Variants in KIF6 observed in about 807,000 individuals in gnomAD.
KIF6 encodes the protein kinesin-like protein KIF6.
A neutral mutation model predicts 112.7 loss-of-function variants in KIF6; 106 were observed. The observed-to-expected ratio is 0.94, with a 90% confidence interval of 0.80 to 1.11. KIF6 has a LOEUF of 1.11. Among genes scored for constraint, KIF6 ranks in the 50% least tolerant of loss-of-function variants. KIF6 has a pLI of 0.00. For synonymous variants in KIF6, 339 were observed against 339.9 expected (o/e 1.00, Z 0.03); for missense variants, 929 against 964.0 (o/e 0.96, Z 0.48).
At chr6:39,510,359 T>G (rs1776700010) in intron 13 of KIF6, among the ~76,000 whole-genome samples, 1 of 152,188 alleles carries the variant, frequency 6.6e-6, no homozygotes, top group Non-Finnish European at 1.5e-5. Flanking sequence ...CCCAAAGTGC[T>G]GGGATTACAG....
intron 11 of KIF6, among the ~76,000 whole-genome samples, chr6:39,545,205 T>C (rs1265249188): frequency 6.6e-6 from 1 of 152,196 alleles, no homozygotes; most frequent in Non-Finnish European, 1.5e-5. Context: ...CAGCCCCTTG[T>C]CATGAAAATT....
intron 7 of KIF6, among the ~76,000 whole-genome samples, chr6:39,589,141 G>C (rs1781797396): frequency 6.6e-6 from 1 of 152,104 alleles, no homozygotes; most frequent in South Asian, 2.1e-4. Flanking sequence ...CCACATCAGA[G>C]CCTCTGAAAT....
rs1762700914 is a variant in KIF6, at chr6:39,330,491, C to T, written c.*6041G>A. 6.6e-6 allele frequency: 1 copy of T among 152,276 alleles called. No homozygotes were observed. 9.4% of individuals were successfully genotyped at this position (152,276 alleles called of 1,614,324 possible). The stretch of plus-strand genomic sequence containing the variant: ...TAAAGACAGTGATGGAAAAGACAAA[C>T]CCAGGAGATGTTTCGGAGAAAAGAA... On this transcript the variant is annotated 3_prime_UTR_variant, in exon 23 of 23. Coordinates refer to ENST00000287152, the MANE Select transcript of KIF6 (RefSeq NM_145027.6).
intron 13 of KIF6, among the ~76,000 whole-genome samples, chr6:39,521,436 C>A (rs895412793): frequency 6.6e-6 from 1 of 151,958 alleles, no homozygotes; most frequent in African/African-American, 2.4e-5. Flanking sequence ...TAGGAATGAC[C>A]CATATCTATG....
chr6:39,507,181 G>T (rs1369029405), intron 13 of KIF6, among the ~76,000 whole-genome samples: 4 of 152,130 alleles, frequency 2.6e-5, no homozygotes, highest in African/African-American at 9.7e-5. Flanking sequence ...TGGTGGCAGT[G>T]TTGTGGGACT....
chr6:39,669,111 A>G (rs1433033820), intron 3 of KIF6, among the ~76,000 whole-genome samples: 6 of 152,226 alleles, frequency 3.9e-5, no homozygotes, highest in Non-Finnish European at 7.3e-5. Flanking sequence ...GTTCGCTTAG[A>G]TATCTTGCAG....
At chr6:39,355,380 G>A (rs2150246419) in intron 19 of KIF6, among the ~76,000 whole-genome samples, 1 of 151,896 alleles carries the variant, frequency 6.6e-6, no homozygotes, top group South Asian at 2.1e-4. Context: ...CCAGATTGGA[G>A]GATCTGGGAA....
intron 3 of KIF6, among the ~76,000 whole-genome samples, chr6:39,705,620 A>C (rs570362618): frequency 6.6e-6 from 1 of 152,318 alleles, no homozygotes; most frequent in Non-Finnish European, 1.5e-5. Flanking sequence ...CCTTGCCTCC[A>C]TGAAGTTTAA....
chr6:39,524,266 T>C (rs1777579468), intron 13 of KIF6, among the ~76,000 whole-genome samples: 1 of 152,082 alleles, frequency 6.6e-6, no homozygotes, highest in South Asian at 2.1e-4. Flanking sequence ...CAGCATATAT[T>C]TTGTCATGAA....
chr6:39,674,294 T>G (rs1019562838), intron 3 of KIF6, among the ~76,000 whole-genome samples: 1 of 152,174 alleles, frequency 6.6e-6, no homozygotes, highest in Non-Finnish European at 1.5e-5. Flanking sequence ...GTCTATGACT[T>G]AGCAAGAAAG....
intron 16 of KIF6, among the ~76,000 whole-genome samples, chr6:39,373,569 C>T (rs550545480): frequency 6.6e-6 from 1 of 151,956 alleles, no homozygotes; most frequent in Non-Finnish European, 1.5e-5. Context: ...TTTCTATATA[C>T]TAACAACAAA....
chr6:39,347,849 T>C (rs1435839386), intron 19 of KIF6, among the ~76,000 whole-genome samples: 1 of 152,154 alleles, frequency 6.6e-6, no homozygotes, highest in Non-Finnish European at 1.5e-5. Flanking sequence ...ACGACTGTGG[T>C]CAAACAAGCA....
In KIF6 at chr6:39,334,240, G is replaced by A. The variant is rs1456501166; in HGVS notation, c.*2292C>T. On this transcript the variant is annotated 3_prime_UTR_variant, in exon 23 of 23. Transcript: ENST00000287152. ...GGGGCCATGCCACACATCTCTGTCA[G>A]TAAGGCCTTTGGATCCAGGAGATGA... is the stretch of plus-strand genomic sequence containing the variant. 6.6e-6 allele frequency: 1 copy of A among 152,230 alleles called. No individual in the cohort carries two copies. Among genetic ancestry groups the A allele is most frequent in the Non-Finnish European group, 1.5e-5 (1 of 68,050 alleles). 9.4% of individuals were successfully genotyped at this position (152,230 alleles called of 1,614,324 possible). A position where few individuals can be genotyped will look rare whatever the true frequency, so the allele number is the denominator to read the frequency against.
Position 39,714,680 on chromosome 6 carries a change from G to A in KIF6, c.251+12C>T, listed in dbSNP as rs370898853. On this transcript the variant is annotated intron_variant, in intron 3 of 22. Coordinates refer to ENST00000287152, the MANE Select transcript of KIF6 (RefSeq NM_145027.6). ...ACCACGAGCCCACTGAACAAAATAT[G>A]GGAAATCCTACCTCCCAGCAACTGG... is the stretch of plus-strand genomic sequence containing the variant. The A allele has an allele frequency of 3.7e-5, 60 of 1,606,562 alleles. No individual in the cohort carries two copies. The Middle Eastern group carries it at 6.6e-4, about 18-fold the overall frequency.
intron 3 of KIF6, among the ~76,000 whole-genome samples, chr6:39,679,033 A>G (rs1375941458): frequency 2.0e-5 from 3 of 152,236 alleles, no homozygotes; most frequent in African/African-American, 7.2e-5. Flanking sequence ...AAAAGGAAGA[A>G]TAAGTTACAA....
intron 8 of KIF6, 128 bp from the exon 9 acceptor site, chr6:39,585,112 G>A (rs1781551832): frequency 1.7e-6 from 1 of 585,418 alleles, no homozygotes; most frequent in Non-Finnish European, 3.0e-6. Flanking sequence ...AACTCACAGT[G>A]AGGAACTATG....
At chr6:39,615,638 C>T (rs1410362124) in intron 5 of KIF6, among the ~76,000 whole-genome samples, 1 of 152,038 alleles carries the variant, frequency 6.6e-6, no homozygotes, top group Non-Finnish European at 1.5e-5. Context: ...AGGGTGAGAG[C>T]CACTGACTTC....
intron 6 of KIF6, among the ~76,000 whole-genome samples, chr6:39,597,693 T>C (rs1173748156): frequency 6.6e-6 from 1 of 152,218 alleles, no homozygotes; most frequent in Non-Finnish European, 1.5e-5. Context: ...GGAAGCATAT[T>C]GTAATCAACC....
chr6:39,487,420 T>C lies in KIF6; in HGVS notation c.1645+52583A>G, dbSNP rs528689157. ...CATCCAGCACCCAAAGACTGGTCCA[T>C]GTACCTACCCTAACATGGGCCAGCT... On this transcript the variant is annotated intron_variant, in intron 13 of 22. Coordinates refer to ENST00000287152, the MANE Select transcript of KIF6 (RefSeq NM_145027.6). Among the ~76,000 whole-genome samples, 4 of 152,298 alleles carry C rather than the reference T, an allele frequency of 2.6e-5. No individual in the cohort carries two copies. The South Asian group carries it at 6.2e-4, about 24-fold the overall frequency.
Sources: gnomAD v4.1 joint callset for allele counts (sites outside exome capture counted in the v4.1 genomes callset) on GRCh38, gnomAD v4.1.1 for gene constraint, MANE v1.5 for transcripts, NCBI Gene and HGNC (gene_info 2026-07-23, HGNC 2026-07-21) for gene names.